Variants in CADPS2 observed in about 807,000 individuals in gnomAD.
The protein encoded by CADPS2 is calcium-dependent secretion activator 2.
CADPS2 carries 93 observed loss-of-function variants against 172.5 expected under a neutral mutation model. The observed-to-expected ratio is 0.54, with a 90% CI of 0.46 to 0.64. The LOEUF is 0.64. Among genes scored for constraint, CADPS2 ranks in the 30% least tolerant of loss-of-function variants. The pLI is 0.00. For synonymous variants in CADPS2, 546 were observed against 555.2 expected, an observed-to-expected ratio of 0.98 and a Z score of 0.23; for missense variants, 1,420 against 1,565.9, an observed-to-expected ratio of 0.91 and a Z score of 1.57.
chr7:122,419,587 G>A (rs13247049), intron 17 of CADPS2, among the ~76,000 whole-genome samples: 59,886 of 151,786 alleles, frequency 0.39, 11,980 homozygotes, highest in African/African-American at 0.44. Flanking sequence ...GAGAAAGACC[G>A]TATCTTTCAT....
At chr7:122,600,334 G>C (rs570878153) in intron 6 of CADPS2, among the ~76,000 whole-genome samples, 3 of 152,208 alleles carry the variant, frequency 2.0e-5, no homozygotes, top group South Asian at 4.1e-4. Flanking sequence ...AACAGCAAAG[G>C]TCACTGGCTA....
chr7:122,576,742 T>A (rs972417132), intron 7 of CADPS2, among the ~76,000 whole-genome samples: 5 of 151,910 alleles, frequency 3.3e-5, no homozygotes, highest in Non-Finnish European at 7.4e-5. Context: ...TGATCTGTTC[T>A]TGTGATAGTC....
intron 1 of CADPS2, among the ~76,000 whole-genome samples, chr7:122,882,805 AG>A (rs967054285): frequency 3.7e-4 from 56 of 152,188 alleles, no homozygotes; most frequent in African/African-American, 1.3e-3. Flanking sequence ...GGTGGTGCAA[AG>A]GTAATCAGGG....
At chr7:122,710,632 C>T (rs2088550084) in intron 2 of CADPS2, among the ~76,000 whole-genome samples, 1 of 152,028 alleles carries the variant, frequency 6.6e-6, no homozygotes. Context: ...GGCCTTCCTT[C>T]CTCTTCTCAA....
intron 7 of CADPS2, among the ~76,000 whole-genome samples, chr7:122,559,707 G>T (rs1013619466): frequency 1.3e-5 from 2 of 149,482 alleles, no homozygotes; most frequent in Admixed American, 6.8e-5. Context: ...GGAGGCAGAG[G>T]TTGCAGTGAG....
chr7:122,551,255 G>A (rs778276824), intron 8 of CADPS2, among the ~76,000 whole-genome samples: 1 of 151,774 alleles, frequency 6.6e-6, no homozygotes, highest in Non-Finnish European at 1.5e-5. Flanking sequence ...ATCTTTTAAG[G>A]TTCCATTTGT....
At chr7:122,349,183 A>G (rs2038156663) in intron 27 of CADPS2, among the ~76,000 whole-genome samples, 1 of 152,128 alleles carries the variant, frequency 6.6e-6, no homozygotes, top group African/African-American at 2.4e-5. Flanking sequence ...TACCAATTAT[A>G]TCAAAAAAGT....
At chr7:122,401,114 A>G (rs2151588401) in intron 20 of CADPS2, among the ~76,000 whole-genome samples, 1 of 152,272 alleles carries the variant, frequency 6.6e-6, no homozygotes, top group South Asian at 2.1e-4. Context: ...TTTTATCCTC[A>G]TGAGACCACA....
chr7:122,388,478 G>C, intron 23 of CADPS2, 105 bp downstream of exon 23: 1 of 1,117,842 alleles, frequency 8.9e-7, no homozygotes, highest in Non-Finnish European at 1.2e-6. Flanking sequence ...GAATAGTGGT[G>C]CATAATGAAA....
chr7:122,775,191 C>T (rs1163609958), intron 1 of CADPS2, among the ~76,000 whole-genome samples: 1 of 152,136 alleles, frequency 6.6e-6, no homozygotes, highest in Non-Finnish European at 1.5e-5. Flanking sequence ...CAGTGCAGCA[C>T]AATGTTTGTG....
chr7:122,563,227 T>C (rs116150966), intron 7 of CADPS2, among the ~76,000 whole-genome samples: 27 of 152,184 alleles, frequency 1.8e-4, no homozygotes, highest in African/African-American at 6.5e-4. Flanking sequence ...ATCACTATTC[T>C]TGATCTATTG....
intron 4 of CADPS2, among the ~76,000 whole-genome samples, chr7:122,623,195 C>T (rs1463940401): frequency 2.1e-5 from 3 of 143,756 alleles, no homozygotes; most frequent in African/African-American, 5.3e-5. Context: ...TTAAGAAAAA[C>T]AGGCAACTAC....
intron 8 of CADPS2, among the ~76,000 whole-genome samples, chr7:122,540,452 C>CT (rs2062797069): frequency 6.6e-6 from 1 of 152,004 alleles, no homozygotes; most frequent in Non-Finnish European, 1.5e-5. Context: ...AACCATAGAT[C>CT]ATTTTAACAA....
intron 8 of CADPS2, among the ~76,000 whole-genome samples, chr7:122,550,657 A>G (rs2064161043): frequency 6.6e-6 from 1 of 152,196 alleles, no homozygotes; most frequent in African/African-American, 2.4e-5. Flanking sequence ...TATTTAATAA[A>G]AACAGGAATA....
At chr7:122,742,540 C>T (rs1376076609) in intron 1 of CADPS2, among the ~76,000 whole-genome samples, 1 of 152,162 alleles carries the variant, frequency 6.6e-6, no homozygotes, top group Non-Finnish European at 1.5e-5. Context: ...TCACCATTCT[C>T]TTAGGATAGT....
intron 6 of CADPS2, among the ~76,000 whole-genome samples, chr7:122,597,604 CTCT>C (rs2133379589): frequency 6.6e-6 from 1 of 152,198 alleles, no homozygotes; most frequent in South Asian, 2.1e-4. Flanking sequence ...TGAAATGAAT[CTCT>C]TATCATTTTT....
At chr7:122,837,675 C>A (rs1180948380) in intron 1 of CADPS2, among the ~76,000 whole-genome samples, 2 of 152,198 alleles carry the variant, frequency 1.3e-5, no homozygotes, top group Non-Finnish European at 2.9e-5. Context: ...ACTAGAAAAT[C>A]TACAAGAAAT....
intron 17 of CADPS2, among the ~76,000 whole-genome samples, chr7:122,436,940 G>A (rs1481118480): frequency 6.6e-6 from 1 of 152,058 alleles, no homozygotes; most frequent in African/African-American, 2.4e-5. Flanking sequence ...AGAGCAAAAT[G>A]ATTCTTACAG....
At chr7:122,538,533 G>T (rs572422654) in intron 8 of CADPS2, among the ~76,000 whole-genome samples, 1 of 151,692 alleles carries the variant, frequency 6.6e-6, no homozygotes, top group South Asian at 2.1e-4. Flanking sequence ...TTCCATGAAT[G>T]TAAGGATGTT....
Sources: gnomAD v4.1 joint callset for allele counts (sites outside exome capture counted in the v4.1 genomes callset) on GRCh38, gnomAD v4.1.1 for gene constraint, MANE v1.5 for transcripts, NCBI Gene and HGNC (gene_info 2026-07-23, HGNC 2026-07-21) for gene names.